MAP4: variants seen among roughly 807,000 people sequenced by gnomAD.
The protein encoded by MAP4 is microtubule-associated protein 4.
A neutral mutation model predicts 170.2 loss-of-function variants in MAP4; 76 were observed. The observed-to-expected ratio is 0.45, with a 90% confidence interval of 0.37 to 0.54. The LOEUF (loss-of-function observed/expected upper bound fraction) is 0.54. Among genes scored for constraint, MAP4 ranks in the 20% least tolerant of loss-of-function variants. The pLI, the probability that MAP4 is intolerant of heterozygous loss-of-function variation, is 0.00. For synonymous variants in MAP4, 909 were observed against 994.5 expected (o/e 0.91, Z 1.62); for missense variants, 2,506 against 2,748.0 (o/e 0.91, Z 1.97).
intron 1 of MAP4, among the ~76,000 whole-genome samples, chr3:48,001,224 A>G (rs1053862360): frequency 6.6e-6 from 1 of 152,236 alleles, no homozygotes; most frequent in Non-Finnish European, 1.5e-5. Context: ...AGTACTGGGA[A>G]TGCTGGAGAT....
At chr3:47,946,686 A>T (rs1318274778) in intron 3 of MAP4, among the ~76,000 whole-genome samples, 2 of 150,798 alleles carry the variant, frequency 1.3e-5, no homozygotes, top group Non-Finnish European at 3.0e-5. Flanking sequence ...AAAAGAAGCA[A>T]CTATTAACAA....
At position 47,916,201 on chromosome 3, in the gene MAP4, C is replaced by A; in HGVS notation, c.1626G>T (p.Val542=). ...KNVCLPPEME[V]ALTEDQVPAL... ...CTGGGACCTGATCCTCAGTCAGGGC[C>A]ACCTCCATTTCTGGAGGCAGACATA... Residue 542 remains valine, a synonymous_variant, in exon 7 of 21, where the codon GTG becomes GTT. Transcript: ENST00000683076. The A allele has an allele frequency of 6.2e-7, 1 of 1,614,192 alleles. No individual in the cohort carries two copies. The highest frequency in any genetic ancestry group is 8.5e-7 in the Non-Finnish European group (1 of 1,180,036).
chr3:47,918,438 A>T (rs1417638163), intron 6 of MAP4, among the ~76,000 whole-genome samples: 1 of 147,410 alleles, frequency 6.8e-6, no homozygotes, highest in Non-Finnish European at 1.5e-5. Flanking sequence ...GTACTGAATT[A>T]AAAAAAAAAA....
intron 9 of MAP4, among the ~76,000 whole-genome samples, chr3:47,905,094 A>C (rs2100032204): frequency 6.6e-6 from 1 of 152,218 alleles, no homozygotes; most frequent in Non-Finnish European, 1.5e-5. Flanking sequence ...GGCAGTTAAC[A>C]TGAATGATTC....
intron 3 of MAP4, among the ~76,000 whole-genome samples, chr3:47,940,806 G>A (rs2100055815): frequency 6.6e-6 from 1 of 152,134 alleles, no homozygotes; most frequent in East Asian, 1.9e-4. Flanking sequence ...ACTTGGCTAG[G>A]TGCAGTAGTT....
intron 7 of MAP4, among the ~76,000 whole-genome samples, chr3:47,915,396 G>A (rs1399110678): frequency 6.6e-6 from 1 of 152,054 alleles, no homozygotes; most frequent in Non-Finnish European, 1.5e-5. Context: ...GATTACAGGT[G>A]TGAGCCACCA....
At position 47,906,215 on chromosome 3, in the gene MAP4, A is replaced by G. The variant is rs541428992; in HGVS notation, c.5383+2823T>C. Among the ~76,000 whole-genome samples the G allele has an allele frequency of 2.6e-5, 4 of 152,148 alleles. No individual in the cohort carries two copies. The East Asian group carries it at 5.8e-4, about 22-fold the overall frequency. ...TGTAGGCCTACAGAGAGCAATATGG[A>G]ACACCCATCAAAATTATGAATACAT... On this transcript the variant is annotated intron_variant, in intron 9 of 20. Transcript: ENST00000683076.
At position 47,872,098 on chromosome 3, in the gene MAP4, G is replaced by A. The variant is rs141252938; in HGVS notation, c.5760C>T (p.Pro1920=). The A allele has an allele frequency of 2.6e-4, 416 of 1,606,144 alleles. 3 individuals are homozygous for A. In the African/African-American group the frequency reaches 4.8e-3, roughly 19 times the overall value. ...ILPSKDVKPK[P]IADAKAPEKR... ...TCTCAGGAGCCTTTGCATCTGCAATGGGCTGGAAATAGGAAAGTGGGAATG... is the reference window on the plus strand; with the variant it reads ...TCTCAGGAGCCTTTGCATCTGCAATAGGCTGGAAATAGGAAAGTGGGAATG... The change falls in exon 13 of 21, where the codon CCC becomes CCT. Residue 1920 remains proline, a splice_region_variant and synonymous_variant. Transcript: ENST00000683076.
At chr3:48,021,763 G>A (rs1027960377) in intron 1 of MAP4, among the ~76,000 whole-genome samples, 1 of 152,184 alleles carries the variant, frequency 6.6e-6, no homozygotes, top group Non-Finnish European at 1.5e-5. Flanking sequence ...GAACAGCTAA[G>A]ATAATCTTTG....
chr3:47,963,867 A>G (rs1293790331), intron 3 of MAP4, among the ~76,000 whole-genome samples: 2 of 152,220 alleles, frequency 1.3e-5, no homozygotes, highest in Admixed American at 6.5e-5. Context: ...GTGGGACGAA[A>G]AAATAGAAGG....
chr3:47,857,613 C>T (rs2058830835), intron 17 of MAP4, 101 bp from the exon 18 acceptor site: 3 of 783,366 alleles, frequency 3.8e-6, no homozygotes, highest in South Asian at 1.6e-5. Context: ...GGGTTTCTCG[C>T]TCCCTCTGTA....
In MAP4 at chr3:47,874,917, G is replaced by A. The variant is rs1423570924; in HGVS notation, c.5757+768C>T. ...TGAATTTAAAGAGTACTATCAGGCT[G>A]ACCTAAAGGCCCTTCTCAAATAACA... On this transcript the variant is annotated intron_variant, in intron 12 of 20. Transcript: ENST00000683076. 3.3e-5 allele frequency among the ~76,000 whole-genome samples: 5 copies of A among 150,978 alleles called. No homozygotes were observed. The East Asian group carries it at 9.6e-4, about 29-fold the overall frequency.
chr3:48,002,691 G>T (rs2100099863), intron 1 of MAP4, among the ~76,000 whole-genome samples: 4 of 152,042 alleles, frequency 2.6e-5, no homozygotes, highest in African/African-American at 9.7e-5. Context: ...GACCAGCCTG[G>T]CCAACACGGT....
chr3:47,916,797 G>C lies in MAP4; in HGVS notation c.1030C>G (p.Pro344Ala). The C allele has an allele frequency of 6.2e-7, 1 of 1,614,140 alleles. No individual in the cohort carries two copies. The highest frequency in any genetic ancestry group is 2.2e-5 in the East Asian group (1 of 44,888). Residue 344 changes from proline to alanine, a missense_variant, in exon 7 of 21, where the codon CCA becomes GCA. Around this residue, in one of 3 missense-constraint regions of MAP4, gnomAD observed 2,008 missense variants for 2,206.0 expected, o/e 0.91. Transcript: ENST00000683076. ...TTCAACAGTGTCACATCCTTGGCTG[G>C]GGCTACCTCTGTTTCTGTGGGCAGT... ...VVLPTETEVA[P>A]AKDVTLLKET...
Position 47,909,443 on chromosome 3 carries a change from G to C in MAP4, c.4978C>G (p.Leu1660Val), listed in dbSNP as rs775183432. 1.9e-6 allele frequency: 3 copies of C among 1,613,538 alleles called. No homozygotes were observed. The African/African-American group carries it at 4.0e-5, about 22-fold the overall frequency. ...TCATTTTCACTTTTTGGAGACAAAA[G>C]AGTCAGATCTACCTTCTTATTCAAA... ...DSLNKKVDLT[L>V]LSPKSENDKL... Residue 1660 changes from leucine (L) to valine (V), a missense_variant, in exon 9 of 21, where the codon CTT becomes GTT. Coordinates refer to ENST00000683076, the MANE Select transcript of MAP4 (RefSeq NM_001385682.1).
At chr3:48,074,509 C>T (rs200019291) in intron 1 of MAP4, among the ~76,000 whole-genome samples, 21 of 112,534 alleles carry the variant, frequency 1.9e-4, no homozygotes, top group Admixed American at 2.7e-4. Context: ...TATACACACA[C>T]TTTTTTTTTT....
At chr3:48,044,789 T>C (rs1370599574) in intron 1 of MAP4, among the ~76,000 whole-genome samples, 1 of 150,398 alleles carries the variant, frequency 6.6e-6, no homozygotes, top group Non-Finnish European at 1.5e-5. Context: ...ATTTAAAAAA[T>C]AAAATAAATA....
chr3:47,909,962 C>T lies in MAP4; in HGVS notation c.4459G>A (p.Val1487Ile), dbSNP rs745717931. ...CCCTTGGGTCTTTCTTGACCTGGGA[C>T]TCCATCTTTGGTGTAGTTATCTACC... ...LMVDNYTKDGVPGQERPKGPS... is the reference protein window; with the variant it reads ...LMVDNYTKDGIPGQERPKGPS... Residue 1487 changes from valine to isoleucine, a missense_variant, in exon 9 of 21, where the codon GTC (valine) becomes ATC (isoleucine). Physicochemically the swap from Val to Ile is conservative, Grantham distance 29. Around this residue, in one of 3 missense-constraint regions of MAP4, gnomAD observed 2,008 missense variants for 2,206.0 expected, o/e 0.91. Transcript: ENST00000683076. The T allele has an allele frequency of 2.1e-5, 34 of 1,614,000 alleles. 1 individual carries two copies. The African/African-American group carries it at 2.8e-4, about 13-fold the overall frequency.
At chr3:48,008,802 T>G (rs1421593052) in intron 1 of MAP4, among the ~76,000 whole-genome samples, 4 of 152,172 alleles carry the variant, frequency 2.6e-5, no homozygotes, top group Non-Finnish European at 5.9e-5. Flanking sequence ...GAAGTAATGC[T>G]TGGGCTCAGC....
Sources: gnomAD v4.1 joint callset for allele counts (sites outside exome capture counted in the v4.1 genomes callset) on GRCh38, gnomAD v4.1.1 for gene constraint, gnomAD v4.1.1 regional missense constraint, MANE v1.5 for transcripts, NCBI Gene and HGNC (gene_info 2026-07-23, HGNC 2026-07-21) for gene names.